EFR3B: variants seen among roughly 807,000 people sequenced by gnomAD.
EFR3B encodes protein EFR3 homolog B.
EFR3B carries 64 observed loss-of-function variants against 104.7 expected under a neutral mutation model. That is an observed-to-expected ratio of 0.61 (90% CI 0.50 to 0.75). The LOEUF is 0.75. EFR3B is among the 30% of genes least tolerant of loss of function. The pLI is 0.00. For synonymous variants in EFR3B, 385 were observed against 417.9 expected (o/e 0.92, Z 0.96); for missense variants, 750 against 1,078.5 (o/e 0.70, Z 4.27).
At chr2:25,078,758 C>T (rs926797259) in intron 1 of EFR3B, among the ~76,000 whole-genome samples, 2 of 152,182 alleles carry the variant, frequency 1.3e-5, no homozygotes, top group Admixed American at 6.5e-5. Context: ...GCACAGAAGT[C>T]GAGCTGGCAG....
chr2:25,153,835 C>T, intron 22 of EFR3B, 74 bp downstream of exon 22: 6 of 1,426,404 alleles, frequency 4.2e-6, no homozygotes, highest in Non-Finnish European at 5.8e-6. Flanking sequence ...TGAGTCCTCT[C>T]ACCCCTGTCT....
At chr2:25,148,705 G>A (rs1026086237) in intron 19 of EFR3B, among the ~76,000 whole-genome samples, 1 of 150,214 alleles carries the variant, frequency 6.7e-6, no homozygotes, top group African/African-American at 2.4e-5. Context: ...GGCGGATCAC[G>A]AGGTCAGGAG....
Position 25,051,390 on chromosome 2 carries a change from C to T in EFR3B, c.7+9071C>T, listed in dbSNP as rs184167909. Among the ~76,000 whole-genome samples the T allele has an allele frequency of 3.3e-3, 504 of 151,640 alleles. 6 individuals carry two copies. The highest frequency in any genetic ancestry group is 0.012 in the African/African-American group (492 of 41,020). On this transcript the variant is annotated intron_variant, in intron 1 of 22. Transcript: ENST00000403714. ...TCAGCCTCCCAAAGTGCTGGGATTACAGGCGTGAGCCACCACGCCCAGCCT... is the reference window on the plus strand; with the variant it reads ...TCAGCCTCCCAAAGTGCTGGGATTATAGGCGTGAGCCACCACGCCCAGCCT...
chr2:25,070,348 G>T (rs1250142838), intron 1 of EFR3B, among the ~76,000 whole-genome samples: 1 of 152,066 alleles, frequency 6.6e-6, no homozygotes, highest in Non-Finnish European at 1.5e-5. Context: ...TGCAACCTCC[G>T]CCTCCCGGGT....
chr2:25,051,295 G>T (rs1325765715), intron 1 of EFR3B, among the ~76,000 whole-genome samples: 4 of 151,930 alleles, frequency 2.6e-5, no homozygotes, highest in African/African-American at 9.7e-5. Flanking sequence ...TGTATTTTTA[G>T]TAGAGATGGG....
chr2:25,089,819 C>T (rs1037992107), intron 1 of EFR3B, among the ~76,000 whole-genome samples: 1 of 152,098 alleles, frequency 6.6e-6, no homozygotes, highest in Non-Finnish European at 1.5e-5. Context: ...CTGCCTGGTC[C>T]CTTCTGTGCT....
intron 16 of EFR3B, among the ~76,000 whole-genome samples, chr2:25,139,814 C>T (rs746459619): frequency 2.6e-5 from 4 of 152,102 alleles, no homozygotes; most frequent in Non-Finnish European, 5.9e-5. Flanking sequence ...TATGTATATC[C>T]GTCTGCATGC....
At chr2:25,051,635 G>A (rs868706920) in intron 1 of EFR3B, among the ~76,000 whole-genome samples, 4 of 97,500 alleles carry the variant, frequency 4.1e-5, no homozygotes, top group Non-Finnish European at 8.8e-5. Flanking sequence ...GTGTGTGTGT[G>A]TGTTTTTTTT....
intron 4 of EFR3B, among the ~76,000 whole-genome samples, chr2:25,112,542 T>G (rs1443831503): frequency 6.6e-6 from 1 of 152,206 alleles, no homozygotes; most frequent in Non-Finnish European, 1.5e-5. Context: ...TAAGATGGGA[T>G]GGACTGTGCC....
Position 25,130,148 on chromosome 2 carries a change from G to T in EFR3B, c.770+39G>T. The T allele has an allele frequency of 6.4e-7, 1 of 1,550,690 alleles. No homozygotes were observed. Among genetic ancestry groups the T allele is most frequent in the South Asian group, 1.2e-5 (1 of 84,046 alleles). ...CCCACTGCCTTGGCCCCAGCCTTCA[G>T]CCTGGATGTGTTTCAGGTCCCTGGC... On this transcript the variant is annotated intron_variant, in intron 7 of 22. Coordinates refer to ENST00000403714, the MANE Select transcript of EFR3B (RefSeq NM_014971.2). The surrounding 1 kb of genome is among the most constrained non-coding windows in gnomAD (Gnocchi z 4.6).
chr2:25,042,194 G>T lies in EFR3B; in HGVS notation c.-119G>T, dbSNP rs1462752171. On this transcript the variant is annotated 5_prime_UTR_variant, in exon 1 of 23. Transcript: ENST00000403714. The surrounding 1 kb of genome is among the most constrained non-coding windows in gnomAD (Gnocchi z 5.4). ...CCGCGTCTGCTCCCTCCCCGCCCGGGCCCCTGTCGGCCGCCGCCAGTCCCC... is the reference window on the plus strand; with the variant it reads ...CCGCGTCTGCTCCCTCCCCGCCCGGTCCCCTGTCGGCCGCCGCCAGTCCCC... 4 of 1,052,874 alleles carry T rather than the reference G, an allele frequency of 3.8e-6. No homozygotes were observed. The highest frequency in any genetic ancestry group is 4.8e-6 in the Non-Finnish European group (4 of 830,914). 65.2% of individuals were successfully genotyped at this position (1,052,874 alleles called of 1,614,324 possible).
chr2:25,042,876 C>G lies in EFR3B; in HGVS notation c.7+557C>G, dbSNP rs1268355478. ...GCCCCGCGGGATCCAGGTTCACCAA[C>G]TTCCAGATTTTCCCTCCGCAGTGAT... is the stretch of plus-strand genomic sequence containing the variant. On this transcript the variant is annotated intron_variant, in intron 1 of 22. Coordinates refer to ENST00000403714, the MANE Select transcript of EFR3B (RefSeq NM_014971.2). The surrounding 1 kb of genome is among the most constrained non-coding windows in gnomAD (Gnocchi z 5.4). Among the ~76,000 whole-genome samples the G allele has an allele frequency of 6.6e-6, 1 of 152,160 alleles. No individual in the cohort carries two copies. The highest frequency in any genetic ancestry group is 1.5e-5 in the Non-Finnish European group (1 of 68,034).
rs1227339655 is a variant in EFR3B, at chr2:25,156,971, C to T, written c.*2631C>T. ...CTTCATCCTGAGCACTGCCTGTGAG[C>T]CCTGGTTCTGGGACTTGGCAGTCGC... On this transcript the variant is annotated 3_prime_UTR_variant, in exon 23 of 23. Coordinates refer to ENST00000403714, the MANE Select transcript of EFR3B (RefSeq NM_014971.2). 1.3e-5 allele frequency: 2 copies of T among 152,166 alleles called. No individual in the cohort carries two copies. Among genetic ancestry groups the T allele is most frequent in the Admixed American group, 1.3e-4 (2 of 15,280 alleles). 9.4% of individuals were successfully genotyped at this position (152,166 alleles called of 1,614,324 possible).
chr2:25,081,800 G>C (rs1334463889), intron 1 of EFR3B: 1 of 355,940 alleles, frequency 2.8e-6, no homozygotes, highest in African/African-American at 2.1e-5. Flanking sequence ...TGAAGGAGAG[G>C]AAATAATTCA....
chr2:25,149,498 G>A (rs543557418), intron 19 of EFR3B, among the ~76,000 whole-genome samples, 196 bp from the exon 20 acceptor site: 3 of 152,146 alleles, frequency 2.0e-5, no homozygotes, highest in African/African-American at 4.8e-5. Context: ...GAGCTTCCCC[G>A]CTGCATCTCG....
chr2:25,089,013 G>A (rs1254229822), intron 1 of EFR3B, among the ~76,000 whole-genome samples: 1 of 152,174 alleles, frequency 6.6e-6, no homozygotes, highest in Non-Finnish European at 1.5e-5. Context: ...GCGGCTCCTG[G>A]AGGCCTCTGT....
chr2:25,145,077 G>A (rs751267754), intron 19 of EFR3B, 26 bp downstream of exon 19: 1 of 1,549,602 alleles, frequency 6.5e-7, no homozygotes, highest in South Asian at 1.2e-5. Flanking sequence ...ACCGTCCTGG[G>A]GCAGCCCCAC....
intron 1 of EFR3B, among the ~76,000 whole-genome samples, chr2:25,087,547 T>G (rs1668989820): frequency 6.6e-6 from 1 of 151,322 alleles, no homozygotes; most frequent in Admixed American, 6.6e-5. Flanking sequence ...TGGCACAATC[T>G]CAGCTCACTG....
At position 25,103,952 on chromosome 2, in the gene EFR3B, G is replaced by A. The variant is rs1002013533; in HGVS notation, c.363+165G>A. ...TAGGGTCTCCCTTTGTGTGAACAAA[G>A]GGCCCTTTCATTTTTTAATTTAAAC... On this transcript the variant is annotated intron_variant, in intron 4 of 22. Coordinates refer to ENST00000403714, the MANE Select transcript of EFR3B (RefSeq NM_014971.2). Among the ~76,000 whole-genome samples, 6 of 152,078 alleles carry A rather than the reference G, an allele frequency of 3.9e-5. No homozygotes were observed. The East Asian group carries it at 1.2e-3, about 29-fold the overall frequency.
Sources: gnomAD v4.1 joint callset for allele counts (sites outside exome capture counted in the v4.1 genomes callset) on GRCh38, gnomAD v4.1.1 for gene constraint, Gnocchi (gnomAD v3.1) non-coding constraint, MANE v1.5 for transcripts, NCBI Gene and HGNC (gene_info 2026-07-23, HGNC 2026-07-21) for gene names.